The following UNC80 variants were observed in gnomAD, a reference collection of about 807,000 sequenced individuals.
The protein encoded by UNC80 is protein unc-80 homolog.
A neutral mutation model predicts 384.6 loss-of-function variants in UNC80; 164 were observed. The observed-to-expected ratio is 0.43, with a 90% CI of 0.38 to 0.49. UNC80 has a LOEUF of 0.49. UNC80 is among the 20% of genes least tolerant of loss of function. The pLI, the probability that UNC80 is intolerant of heterozygous loss-of-function variation, is 0.00. For synonymous variants in UNC80, 1,486 were observed against 1,527.8 expected (o/e 0.97, Z 0.64); for missense variants, 3,330 against 4,143.0 (o/e 0.80, Z 5.39).
intron 3 of UNC80, 63 bp downstream of exon 3, chr2:209,776,108 A>G: frequency 4.4e-6 from 7 of 1,602,248 alleles, no homozygotes; most frequent in South Asian, 1.1e-5. Flanking sequence ...CACTCATCAT[A>G]ATAACCTGTA....
rs1320104917 is a variant in UNC80 at position 209,995,640 on chromosome 2, T to C, written c.*45T>C. On this transcript the variant is annotated 3_prime_UTR_variant, in exon 65 of 65. Coordinates refer to ENST00000673920, the MANE Select transcript of UNC80 (RefSeq NM_001371986.1). ...TGCAGGTATAGAGAAGACATGAAAG[T>C]GATCTCTCTACTACAAGTTCAATAC... The C allele has an allele frequency of 1.9e-6, 3 of 1,538,584 alleles. No homozygotes were observed. In the East Asian group the frequency reaches 7.4e-5, roughly 38 times the overall value.
At chr2:209,919,691 A>G (rs909387572) in intron 33 of UNC80, among the ~76,000 whole-genome samples, 2 of 152,110 alleles carry the variant, frequency 1.3e-5, no homozygotes, top group Non-Finnish European at 2.9e-5. Context: ...TCCCATCACA[A>G]TATACCTATT....
At chr2:209,955,738 T>TACACACACACAC (rs1156428874) in intron 48 of UNC80, among the ~76,000 whole-genome samples, 2 of 53,556 alleles carry the variant, frequency 3.7e-5, no homozygotes, top group East Asian at 1.2e-3. Flanking sequence ...TATATATATA[T>TACACACACACAC]ACACACACAC....
chr2:209,995,183 C>T (rs2093463437), intron 64 of UNC80, 146 bp from the exon 65 acceptor site: 8 of 1,036,162 alleles, frequency 7.7e-6, no homozygotes, highest in East Asian at 5.2e-5. Context: ...GAAAGGCCTA[C>T]GTAAGGTCCT....
chr2:209,929,758 C>A, intron 36 of UNC80, 113 bp from the exon 37 acceptor site: 1 of 731,168 alleles, frequency 1.4e-6, no homozygotes. Context: ...AAAGAGTTCA[C>A]AGAGCCTTTT....
At chr2:209,817,312 G>A (rs577901191) in intron 10 of UNC80, among the ~76,000 whole-genome samples, 187 bp downstream of exon 10, 2 of 152,048 alleles carry the variant, frequency 1.3e-5, no homozygotes, top group Admixed American at 6.5e-5. Context: ...GATAATTGAC[G>A]TAATTATGCA....
At chr2:209,992,459 A>C (rs2093409942) in intron 62 of UNC80, among the ~76,000 whole-genome samples, 1 of 152,182 alleles carries the variant, frequency 6.6e-6, no homozygotes, top group South Asian at 2.1e-4. Flanking sequence ...AACTAACTAA[A>C]TAAATAAAAC....
chr2:209,932,963 C>T (rs1406559397), intron 38 of UNC80, among the ~76,000 whole-genome samples: 1 of 152,014 alleles, frequency 6.6e-6, no homozygotes, highest in Non-Finnish European at 1.5e-5. Flanking sequence ...ATTAGGTTTG[C>T]GACACTGATT....
In UNC80 at chr2:209,933,804, T is replaced by C; in HGVS notation, c.5995-18T>C. ...GGATTATTGTAGCTTTGTGAACTCTTCTTATACTGACTTCTAGGTAGGATT... is the reference window on the plus strand; with the variant it reads ...GGATTATTGTAGCTTTGTGAACTCTCCTTATACTGACTTCTAGGTAGGATT... On this transcript the variant is annotated intron_variant, in intron 38 of 64. Transcript: ENST00000673920. 2 of 1,544,868 alleles carry C rather than the reference T, an allele frequency of 1.3e-6. No individual in the cohort carries two copies. Among genetic ancestry groups the C allele is most frequent in the South Asian group, 2.4e-5 (2 of 83,086 alleles).
At chr2:209,889,335 A>G (rs943331794) in intron 26 of UNC80, among the ~76,000 whole-genome samples, 2 of 152,198 alleles carry the variant, frequency 1.3e-5, no homozygotes, top group Non-Finnish European at 2.9e-5. Flanking sequence ...CTGGCTAAGG[A>G]TGTTTTCTAG....
rs146280665 is a variant in UNC80, at chr2:209,802,298, G to A, written c.938+8439G>A. On this transcript the variant is annotated intron_variant, in intron 7 of 64. Transcript: ENST00000673920. ...TTATTTCAAAATTATTAAAAGAGCAGGTTTTAAATATTTTTACCACAAAAA... is the reference window on the plus strand; with the variant it reads ...TTATTTCAAAATTATTAAAAGAGCAAGTTTTAAATATTTTTACCACAAAAA... 4.6e-5 allele frequency among the ~76,000 whole-genome samples: 7 copies of A among 152,052 alleles called. No individual in the cohort carries two copies. The East Asian group carries it at 1.4e-3, about 29-fold the overall frequency.
chr2:209,804,287 GA>G lies in UNC80; in HGVS notation c.939-9288del, dbSNP rs567878072. Reference sequence around the variant, plus strand: ...CCTTATTAGTTTTGAAATTAAGGTGGAAAAATATTGGAAGGTCCTTGATTAA... The same window carrying G: ...CCTTATTAGTTTTGAAATTAAGGTGGAAAATATTGGAAGGTCCTTGATTAA... On this transcript the variant is annotated intron_variant, in intron 7 of 64. Transcript: ENST00000673920. Among the ~76,000 whole-genome samples the G allele has an allele frequency of 4.5e-4, 69 of 152,250 alleles. 1 individual carries two copies. Among genetic ancestry groups the G allele is most frequent in the African/African-American group, 1.7e-3 (69 of 41,538 alleles).
intron 49 of UNC80, 78 bp from the exon 50 acceptor site, chr2:209,959,041 G>GAA (rs10677839): frequency 0.03 from 37,642 of 1,239,360 alleles, 1,492 homozygotes; most frequent in South Asian, 0.13. Flanking sequence ...CTTTTCATAT[G>GAA]AAAGTCGATA....
chr2:209,820,404 C>A lies in UNC80; in HGVS notation c.2056C>A (p.Leu686Ile). ...AAACATTGTGGAATGCTTGCTTCAA[C>A]TTGGTGTGGTGCCCTGTGTAGAAAA... The part of the protein sequence containing the change: ...ALNIVECLLQ[L>I]GVVPCVEKNR... The change falls in exon 13 of 65, where the codon CTT (leucine) becomes ATT (isoleucine). Residue 686 changes from leucine (L) to isoleucine (I), a missense_variant. Around this residue, in one of 8 missense-constraint regions of UNC80, gnomAD observed 937 missense variants for 1,026.8 expected, o/e 0.91. Coordinates refer to ENST00000673920, the MANE Select transcript of UNC80 (RefSeq NM_001371986.1). The A allele has an allele frequency of 6.4e-7, 1 of 1,551,860 alleles. No homozygotes were observed. The highest frequency in any genetic ancestry group is 1.2e-5 in the South Asian group (1 of 84,052).
chr2:209,892,912 A>C (rs879809251), intron 26 of UNC80, among the ~76,000 whole-genome samples: 1 of 152,204 alleles, frequency 6.6e-6, no homozygotes. Context: ...TCCAGATGTG[A>C]AATTCTACTC....
chr2:209,973,280 T>TTCTCTC lies in UNC80; in HGVS notation c.8587+22_8587+27dup. On this transcript the variant is annotated intron_variant, in intron 56 of 64. Coordinates refer to ENST00000673920, the MANE Select transcript of UNC80 (RefSeq NM_001371986.1). Reference sequence around the variant, plus strand: ...CAAGCAGCATACTTGGGTTGGTACTTTCTCTCTCTCTCTCTCTGTTTGTGC... The same window carrying TTCTCTC: ...CAAGCAGCATACTTGGGTTGGTACTTTCTCTCTCTCTCTCTCTCTCTCTGTTTGTGC... 6.6e-7 allele frequency: 1 copy of TTCTCTC among 1,518,078 alleles called. No individual in the cohort carries two copies. Among genetic ancestry groups the TTCTCTC allele is most frequent in the Non-Finnish European group, 8.9e-7 (1 of 1,125,990 alleles). 94.0% of individuals were successfully genotyped at this position (1,518,078 alleles called of 1,614,324 possible).
At chr2:209,905,521 T>G (rs930263901) in intron 29 of UNC80, among the ~76,000 whole-genome samples, 14 of 152,108 alleles carry the variant, frequency 9.2e-5, no homozygotes, top group Non-Finnish European at 1.5e-4. Flanking sequence ...GACAAGGAAA[T>G]GGATTATCTC....
chr2:209,815,177 A>G, intron 8 of UNC80, 80 bp from the exon 9 acceptor site: 1 of 1,421,136 alleles, frequency 7.0e-7, no homozygotes, highest in Non-Finnish European at 9.5e-7. Context: ...GCGCATCCCT[A>G]TTAAAAATGT....
chr2:209,941,472 C>A lies in UNC80; in HGVS notation c.6898C>A (p.Leu2300Ile). ...CTCTCTCAGCGGCTACCAGTGGATTCTCCCCACCATGCTGCAGGTGCCCAG... is the reference window on the plus strand; with the variant it reads ...CTCTCTCAGCGGCTACCAGTGGATTATCCCCACCATGCTGCAGGTGCCCAG... ...LFSLSGYQWILPTMLQVYSDY... is the reference protein window; with the variant it reads ...LFSLSGYQWIIPTMLQVYSDY... Residue 2300 changes from leucine (L) to isoleucine (I), a missense_variant, in exon 44 of 65, where the codon CTC becomes ATC. Coordinates refer to ENST00000673920, the MANE Select transcript of UNC80 (RefSeq NM_001371986.1). 1 of 1,537,110 alleles carries A rather than the reference C, an allele frequency of 6.5e-7. No individual in the cohort carries two copies. Among genetic ancestry groups the A allele is most frequent in the Non-Finnish European group, 8.8e-7 (1 of 1,135,112 alleles).
Sources: gnomAD v4.1 joint callset for allele counts (sites outside exome capture counted in the v4.1 genomes callset) on GRCh38, gnomAD v4.1.1 for gene constraint, gnomAD v4.1.1 regional missense constraint, MANE v1.5 for transcripts, NCBI Gene and HGNC (gene_info 2026-07-23, HGNC 2026-07-21) for gene names.